MEGF11: variants seen among roughly 807,000 people sequenced by gnomAD.
MEGF11 encodes multiple epidermal growth factor-like domains protein 11.
MEGF11 carries 126 observed loss-of-function variants against 146.6 expected under a neutral mutation model. That is an observed-to-expected ratio of 0.86 (90% CI 0.74 to 1.00). MEGF11 has a LOEUF of 1.00. Among genes scored for constraint, MEGF11 ranks in the 50% least tolerant of loss-of-function variants. The pLI, the probability that MEGF11 is intolerant of heterozygous loss-of-function variation, is 0.00. For synonymous variants in MEGF11, 532 were observed against 583.4 expected, an observed-to-expected ratio of 0.91 and a Z score of 1.27; for missense variants, 1,509 against 1,521.2, an observed-to-expected ratio of 0.99 and a Z score of 0.13.
intron 1 of MEGF11, among the ~76,000 whole-genome samples, chr15:66,247,543 AT>A (rs568132886): frequency 1.3e-3 from 204 of 152,266 alleles, no homozygotes; most frequent in Non-Finnish European, 1.6e-3. Context: ...AAGAATCCTA[AT>A]TTTGATCCTC....
chr15:66,225,634 C>T (rs2091836020), intron 1 of MEGF11, among the ~76,000 whole-genome samples: 1 of 152,182 alleles, frequency 6.6e-6, no homozygotes, highest in Non-Finnish European at 1.5e-5. Context: ...TATGGTCCTG[C>T]ACACTTGAGC....
At chr15:65,979,659 G>A (rs974031197) in intron 7 of MEGF11, among the ~76,000 whole-genome samples, 1 of 152,220 alleles carries the variant, frequency 6.6e-6, no homozygotes, top group Non-Finnish European at 1.5e-5. Context: ...CTGACAGGCA[G>A]GGTATGTTGG....
chr15:66,234,351 C>T (rs1327637872), intron 1 of MEGF11, among the ~76,000 whole-genome samples: 1 of 152,234 alleles, frequency 6.6e-6, no homozygotes, highest in Non-Finnish European at 1.5e-5. Flanking sequence ...TGATATCATG[C>T]TTTTCTGTTA....
At chr15:66,039,580 C>T (rs2083868418) in intron 5 of MEGF11, among the ~76,000 whole-genome samples, 1 of 152,206 alleles carries the variant, frequency 6.6e-6, no homozygotes, top group Non-Finnish European at 1.5e-5. Context: ...CAACGTAACT[C>T]AGGTTACGTT....
rs193155790 is a variant in MEGF11, at chr15:66,079,753, G to A, written c.394+14649C>T. Reference sequence around the variant, plus strand: ...CACTTAGGTGATCGCTCTCAGGTGCGTTTACCTGGCAGCAGCATCACAGGA... The same window carrying A: ...CACTTAGGTGATCGCTCTCAGGTGCATTTACCTGGCAGCAGCATCACAGGA... On this transcript the variant is annotated intron_variant, in intron 5 of 25. Transcript: ENST00000395614. Among the ~76,000 whole-genome samples the A allele has an allele frequency of 3.4e-3, 511 of 152,284 alleles. 6 individuals carry two copies. Among genetic ancestry groups the A allele is most frequent in the Non-Finnish European group, 5.0e-3 (343 of 68,022 alleles).
At chr15:66,142,924 G>T (rs1161754044) in intron 1 of MEGF11, among the ~76,000 whole-genome samples, 1 of 152,208 alleles carries the variant, frequency 6.6e-6, no homozygotes, top group Non-Finnish European at 1.5e-5. Context: ...AACCTTAACA[G>T]CTTCTCTAGG....
At chr15:66,064,611 G>A (rs1197376857) in intron 5 of MEGF11, among the ~76,000 whole-genome samples, 1 of 151,358 alleles carries the variant, frequency 6.6e-6, no homozygotes, top group African/African-American at 2.4e-5. Flanking sequence ...GCCAACTCCC[G>A]GATTCAAGCG....
chr15:66,240,785 G>C (rs1417746669), intron 1 of MEGF11, among the ~76,000 whole-genome samples: 1 of 152,200 alleles, frequency 6.6e-6, no homozygotes, highest in Admixed American at 6.5e-5. Context: ...CTTGCATGGG[G>C]TGACCCATAA....
intron 5 of MEGF11, among the ~76,000 whole-genome samples, chr15:66,067,055 T>C (rs1393280567): frequency 2.0e-5 from 3 of 152,228 alleles, no homozygotes; most frequent in Non-Finnish European, 4.4e-5. Flanking sequence ...GGGGATCATA[T>C]TCATCCCTAA....
chr15:65,965,602 T>TTCTTTCTTTC (rs143389411), intron 8 of MEGF11, among the ~76,000 whole-genome samples: 2 of 32,202 alleles, frequency 6.2e-5, no homozygotes, highest in Non-Finnish European at 1.9e-4. Context: ...CTTTCTTTCT[T>TTCTTTCTTTC]TTTTTTTTTT....
intron 5 of MEGF11, among the ~76,000 whole-genome samples, chr15:66,008,401 ACGCGCGCG>A (rs10531573): frequency 6.4e-5 from 8 of 125,332 alleles, no homozygotes; most frequent in South Asian, 5.3e-4. Context: ...ACACATGCAC[ACGCGCGCG>A]CGCACACACA....
intron 1 of MEGF11, among the ~76,000 whole-genome samples, chr15:66,170,599 A>G (rs1332341786): frequency 6.6e-6 from 1 of 152,206 alleles, no homozygotes; most frequent in African/African-American, 2.4e-5. Context: ...TGAGTTGAGT[A>G]AGATAATTTT....
At chr15:66,041,003 A>G (rs144641942) in intron 5 of MEGF11, among the ~76,000 whole-genome samples, 87 of 151,584 alleles carry the variant, frequency 5.7e-4, no homozygotes, top group African/African-American at 2.1e-3. Context: ...GGTCCTGGCT[A>G]TATCTCTCTC....
intron 5 of MEGF11, among the ~76,000 whole-genome samples, chr15:66,080,142 G>A (rs2085785799): frequency 6.6e-6 from 1 of 152,146 alleles, no homozygotes; most frequent in South Asian, 2.1e-4. Context: ...CTCCCCTGCG[G>A]CCCACAGCCC....
At chr15:65,984,510 A>G (rs1295706762) in intron 5 of MEGF11, among the ~76,000 whole-genome samples, 1 of 138,856 alleles carries the variant, frequency 7.2e-6, no homozygotes, top group Non-Finnish European at 1.5e-5. Context: ...TGGGCGATAG[A>G]GCAAGACTCC....
intron 4 of MEGF11, among the ~76,000 whole-genome samples, chr15:66,100,862 G>A (rs1307966920): frequency 7.1e-6 from 1 of 140,270 alleles, no homozygotes; most frequent in Non-Finnish European, 1.6e-5. Context: ...ATGGGTGGGT[G>A]GGTGGGTGGG....
intron 1 of MEGF11, among the ~76,000 whole-genome samples, chr15:66,177,238 G>A (rs188279887): frequency 1.9e-4 from 29 of 152,316 alleles, no homozygotes; most frequent in African/African-American, 6.0e-4. Context: ...CTCTGATAGC[G>A]TAGATGCATG....
At chr15:66,026,890 A>G (rs961841813) in intron 5 of MEGF11, among the ~76,000 whole-genome samples, 2 of 152,244 alleles carry the variant, frequency 1.3e-5, no homozygotes, top group Non-Finnish European at 2.9e-5. Context: ...TTACTGCCCC[A>G]GGAGCCTTAT....
chr15:65,979,493 G>A (rs1352178479), intron 7 of MEGF11, among the ~76,000 whole-genome samples: 1 of 152,184 alleles, frequency 6.6e-6, no homozygotes, highest in African/African-American at 2.4e-5. Context: ...CTCTGGCTTT[G>A]CAAAGCCTCA....
Sources: gnomAD v4.1 joint callset for allele counts (sites outside exome capture counted in the v4.1 genomes callset) on GRCh38, gnomAD v4.1.1 for gene constraint, MANE v1.5 for transcripts, NCBI Gene and HGNC (gene_info 2026-07-23, HGNC 2026-07-21) for gene names.